SPAG1: variants seen among roughly 807,000 people sequenced by gnomAD.
SPAG1 encodes the protein sperm associated antigen 1.
In SPAG1, 69 loss-of-function variants were observed where a neutral mutation model predicts 100.5. That is an observed-to-expected ratio of 0.69 (90% CI 0.57 to 0.84). The LOEUF (loss-of-function observed/expected upper bound fraction) is 0.84, where lower values mean the gene tolerates loss of function less well. Among genes scored for constraint, SPAG1 ranks in the 40% least tolerant of loss-of-function variants. The probability of loss-of-function intolerance (pLI) is 0.00; values close to 1 mark genes in which losing one functional copy is unlikely to be tolerated. For missense variants in SPAG1, 955 were observed against 1,133.1 expected (o/e 0.84, Z 2.26); for synonymous variants, 336 against 411.6 (o/e 0.82, Z 2.22).
chr8:100,172,607 T>A (rs1228006848), intron 3 of SPAG1, among the ~76,000 whole-genome samples: 6 of 149,872 alleles, frequency 4.0e-5, no homozygotes, highest in African/African-American at 1.5e-4. Flanking sequence ...GAGACAGAGC[T>A]AGACTCTGCC....
chr8:100,238,282 A>C (rs1429927463), intron 16 of SPAG1, among the ~76,000 whole-genome samples: 1 of 152,126 alleles, frequency 6.6e-6, no homozygotes, highest in Non-Finnish European at 1.5e-5. Flanking sequence ...AGCAGATTTA[A>C]GGTTATCCCT....
chr8:100,192,023 A>G (rs887890083), intron 9 of SPAG1, among the ~76,000 whole-genome samples: 1 of 152,178 alleles, frequency 6.6e-6, no homozygotes, highest in African/African-American at 2.4e-5. Context: ...ATCCTGAGTC[A>G]AACACGAAAA....
At position 100,176,807 on chromosome 8, in the gene SPAG1, CCCTCTCCTCTCCTCT is replaced by C. The variant is rs140625738; in HGVS notation, c.301-988_301-974del. Among the ~76,000 whole-genome samples the C allele has an allele frequency of 6.8e-4, 79 of 116,352 alleles. No homozygotes were observed. The Middle Eastern group carries it at 0.017, about 25-fold the overall frequency. The allele number at this position is 116,352 out of a possible 152,430, so 76.3% of individuals were successfully genotyped here. ...GATGCAATGATGGCCTCATAAATTT[CCCTCTCCTCTCCTCT>C]CCTCTCCTCTCCTCTCCTCTTCTCT... On this transcript the variant is annotated intron_variant, in intron 3 of 18. Transcript: ENST00000388798.
chr8:100,174,611 A>G (rs1816026075), intron 3 of SPAG1, among the ~76,000 whole-genome samples: 1 of 152,232 alleles, frequency 6.6e-6, no homozygotes, highest in East Asian at 1.9e-4. Flanking sequence ...TAGTCCCCGT[A>G]TCACAGAGGG....
chr8:100,165,619 T>C (rs1383769218), intron 2 of SPAG1, 195 bp from the exon 3 acceptor site: 7 of 508,974 alleles, frequency 1.4e-5, no homozygotes, highest in Non-Finnish European at 2.4e-5. Context: ...TTGGAGTTCC[T>C]TTTTTTCTTC....
chr8:100,220,927 G>A (rs1254751439), intron 13 of SPAG1, among the ~76,000 whole-genome samples: 1 of 152,054 alleles, frequency 6.6e-6, no homozygotes, highest in Non-Finnish European at 1.5e-5. Flanking sequence ...ACAAAAATTA[G>A]CCAGGTGTGG....
rs1411435056 is a variant in SPAG1, at chr8:100,228,310, G to A, written c.1856-2846G>A. Among the ~76,000 whole-genome samples, 4 of 151,654 alleles carry A rather than the reference G, an allele frequency of 2.6e-5. No homozygotes were observed. The East Asian group carries it at 7.7e-4, about 29-fold the overall frequency. On this transcript the variant is annotated intron_variant, in intron 14 of 18. Coordinates refer to ENST00000388798, the MANE Select transcript of SPAG1 (RefSeq NM_003114.5). ...TAGGGGGCTGGGCATGGTGGCTCTT[G>A]GCAGTAATCCCAGTAGTTTGGGAGG...
At chr8:100,221,330 C>T (rs550724595) in intron 13 of SPAG1, among the ~76,000 whole-genome samples, 8 of 152,060 alleles carry the variant, frequency 5.3e-5, no homozygotes, top group East Asian at 1.9e-4. Context: ...TTTATAATGG[C>T]GAAATAGCAA....
chr8:100,224,412 C>T (rs946883037), intron 13 of SPAG1, among the ~76,000 whole-genome samples: 2 of 152,012 alleles, frequency 1.3e-5, no homozygotes, highest in Admixed American at 6.6e-5. Flanking sequence ...CGTGGTGGCG[C>T]GTGCCTGTAA....
chr8:100,209,164 C>G (rs1255146941), intron 10 of SPAG1, among the ~76,000 whole-genome samples: 1 of 152,082 alleles, frequency 6.6e-6, no homozygotes, highest in Non-Finnish European at 1.5e-5. Context: ...CTGGGTGATT[C>G]CTGCCCTTGA....
rs34078535 is a variant in SPAG1 at position 100,193,507 on chromosome 8, C to T, written c.940-605C>T. Among the ~76,000 whole-genome samples the T allele has an allele frequency of 1.4e-3, 220 of 152,262 alleles. 2 individuals are homozygous for T. Among genetic ancestry groups the T allele is most frequent in the Non-Finnish European group, 2.7e-3 (184 of 68,010 alleles). Reference sequence around the variant, plus strand: ...AACAAAACAAAACAAACAAAAAAGCCACAGACCACAGACTGGGAGAAAATA... The same window carrying T: ...AACAAAACAAAACAAACAAAAAAGCTACAGACCACAGACTGGGAGAAAATA... On this transcript the variant is annotated intron_variant, in intron 9 of 18. Coordinates refer to ENST00000388798, the MANE Select transcript of SPAG1 (RefSeq NM_003114.5).
intron 6 of SPAG1, 54 bp downstream of exon 6, chr8:100,184,116 T>C: frequency 1.3e-6 from 1 of 771,568 alleles, no homozygotes; most frequent in Non-Finnish European, 2.0e-6. Flanking sequence ...TCAATTATAA[T>C]AAAAAGTGTC....
At chr8:100,209,390 C>T (rs966537940) in intron 10 of SPAG1, among the ~76,000 whole-genome samples, 61 of 147,598 alleles carry the variant, frequency 4.1e-4, no homozygotes, top group Non-Finnish European at 6.1e-4. Flanking sequence ...CTAGAGAGAA[C>T]CCTGACTAAT....
chr8:100,198,075 A>G (rs566803260), intron 10 of SPAG1, among the ~76,000 whole-genome samples: 20 of 152,204 alleles, frequency 1.3e-4, no homozygotes, highest in Non-Finnish European at 2.2e-4. Context: ...TATTCCATCT[A>G]TCTCCTTACA....
rs757514212 is a variant in SPAG1 at position 100,213,422 on chromosome 8, C to T, written c.1429C>T (p.Pro477Ser). The change falls in exon 11 of 19, where the codon CCA (proline) becomes TCA (serine). Residue 477 changes from proline to serine, a missense_variant. Coordinates refer to ENST00000388798, the MANE Select transcript of SPAG1 (RefSeq NM_003114.5). ...CTCGGCGGCAATCGCGCTCCTGGAG[C>T]CAGCAGGTAGGTGCGCCGCGCCCCG... ...KYSAAIALLEPAGSEIADDLS... is the reference protein window; with the variant it reads ...KYSAAIALLESAGSEIADDLS... 7.1e-6 allele frequency: 10 copies of T among 1,412,968 alleles called. No individual in the cohort carries two copies. The South Asian group carries it at 1.3e-4, about 19-fold the overall frequency. The allele number at this position is 1,412,968 out of a possible 1,614,324, so 87.5% of individuals were successfully genotyped here. A position where few individuals can be genotyped will look rare whatever the true frequency, so the allele number is the denominator to read the frequency against.
intron 10 of SPAG1, among the ~76,000 whole-genome samples, chr8:100,199,915 T>C (rs1817197676): frequency 6.6e-6 from 1 of 152,182 alleles, no homozygotes; most frequent in South Asian, 2.1e-4. Flanking sequence ...CAGAAGTTTT[T>C]TGTTTTTTTT....
intron 8 of SPAG1, 137 bp downstream of exon 8, chr8:100,187,387 A>G (rs1816630633): frequency 3.3e-6 from 2 of 610,142 alleles, no homozygotes; most frequent in Non-Finnish European, 4.9e-6. Flanking sequence ...CAACTTCATA[A>G]AGTTGCTTTT....
chr8:100,161,952 T>C (rs961794092), intron 1 of SPAG1, among the ~76,000 whole-genome samples: 3 of 152,214 alleles, frequency 2.0e-5, no homozygotes, highest in Non-Finnish European at 4.4e-5. Context: ...GTTGCAGAAG[T>C]AAATAACGTC....
intron 3 of SPAG1, among the ~76,000 whole-genome samples, chr8:100,171,549 G>A (rs553284761): frequency 9.2e-5 from 14 of 152,250 alleles, no homozygotes; most frequent in South Asian, 2.1e-4. Flanking sequence ...TATCTTTAGA[G>A]CTCTCTTTCT....
Sources: gnomAD v4.1 joint callset for allele counts (sites outside exome capture counted in the v4.1 genomes callset) on GRCh38, gnomAD v4.1.1 for gene constraint, MANE v1.5 for transcripts, NCBI Gene and HGNC (gene_info 2026-07-23, HGNC 2026-07-21) for gene names.